The following CNTNAP4 variants were observed in gnomAD, a reference collection of about 807,000 sequenced individuals.
CNTNAP4 encodes the protein contactin associated protein family member 4.
In CNTNAP4, 98 loss-of-function variants were observed where a neutral mutation model predicts 148.4. The observed-to-expected ratio is 0.66, with a 90% CI of 0.56 to 0.78. CNTNAP4 has a LOEUF of 0.78. Among genes scored for constraint, CNTNAP4 ranks in the 30% least tolerant of loss-of-function variants. The pLI is 0.00. For synonymous variants in CNTNAP4, 730 were observed against 565.1 expected (o/e 1.29, Z -4.14); for missense variants, 1,935 against 1,565.6 (o/e 1.24, Z -3.98).
At chr16:76,501,381 A>G (rs147508509) in intron 15 of CNTNAP4, among the ~76,000 whole-genome samples, 2 of 152,160 alleles carry the variant, frequency 1.3e-5, no homozygotes, top group East Asian at 1.9e-4. Flanking sequence ...TCCTTATTTC[A>G]TTAGCCAAAA....
At chr16:76,522,656 TTC>T (rs1430774329) in intron 17 of CNTNAP4, among the ~76,000 whole-genome samples, 1 of 129,532 alleles carries the variant, frequency 7.7e-6, no homozygotes, top group Admixed American at 7.9e-5. Context: ...TTTTCTCTCT[TTC>T]TCTCTTTCCT....
At chr16:76,374,369 G>GT (rs1239752520) in intron 3 of CNTNAP4, among the ~76,000 whole-genome samples, 2 of 152,154 alleles carry the variant, frequency 1.3e-5, no homozygotes, top group African/African-American at 4.8e-5. Context: ...AAGCGATTAT[G>GT]TTACTAATTC....
At chr16:76,473,858 T>TG (rs1250885254) in intron 10 of CNTNAP4, among the ~76,000 whole-genome samples, 473 of 3,710 alleles carry the variant, frequency 0.13, 5 homozygotes, top group Admixed American at 0.19. Flanking sequence ...TTTGTTTTGT[T>TG]TTGTTTTGTT....
At chr16:76,521,457 C>T (rs1314952904) in intron 16 of CNTNAP4, 147 bp downstream of exon 16, 1 of 578,588 alleles carries the variant, frequency 1.7e-6, no homozygotes, top group African/African-American at 1.9e-5. Flanking sequence ...ATTAACTTAT[C>T]CTGTTTGTAA....
intron 10 of CNTNAP4, among the ~76,000 whole-genome samples, chr16:76,471,536 C>G (rs929958114): frequency 3.3e-5 from 5 of 152,040 alleles, no homozygotes; most frequent in African/African-American, 1.2e-4. Context: ...CCAATCCACC[C>G]CTACTATCCA....
At chr16:76,354,674 C>G (rs1297680627) in intron 2 of CNTNAP4, among the ~76,000 whole-genome samples, 1 of 152,162 alleles carries the variant, frequency 6.6e-6, no homozygotes, top group Admixed American at 6.5e-5. Flanking sequence ...TTGTCTCTCA[C>G]AAACTGTTGG....
intron 3 of CNTNAP4, among the ~76,000 whole-genome samples, chr16:76,376,195 AAAAT>A (rs2015396365): frequency 3.9e-5 from 6 of 152,218 alleles, no homozygotes; most frequent in Admixed American, 3.3e-4. Context: ...AAATGCAAAA[AAAAT>A]ACAACTCATG....
intron 15 of CNTNAP4, among the ~76,000 whole-genome samples, chr16:76,514,523 T>C (rs1276004295): frequency 6.6e-6 from 1 of 152,228 alleles, no homozygotes; most frequent in Non-Finnish European, 1.5e-5. Context: ...TCTGCCTTCA[T>C]AAAAGGAATT....
intron 10 of CNTNAP4, among the ~76,000 whole-genome samples, chr16:76,474,323 C>G (rs900595204): frequency 2.0e-5 from 3 of 152,076 alleles, no homozygotes; most frequent in East Asian, 3.9e-4. Context: ...CTGAAGGGGA[C>G]AAAGAAAGAA....
chr16:76,534,253 A>C lies in CNTNAP4; in HGVS notation c.2756-1292A>C, dbSNP rs535366770. On this transcript the variant is annotated intron_variant, in intron 17 of 23. Coordinates refer to ENST00000611870, the MANE Select transcript of CNTNAP4 (RefSeq NM_033401.5). ...ATAACACAGAAATTATTTGTCTACC[A>C]CTGTTCTTTGTGCTGGATATACAGT... is the stretch of plus-strand genomic sequence containing the variant. 7.2e-5 allele frequency among the ~76,000 whole-genome samples: 11 copies of C among 152,300 alleles called. No individual in the cohort carries two copies. In the South Asian group the frequency reaches 2.3e-3, roughly 32 times the overall value.
chr16:76,527,510 G>A lies in CNTNAP4; in HGVS notation c.2755+5253G>A, dbSNP rs182679343. ...AATCAGCATTTTCGGTGTGCATATC[G>A]ACTATCCTTTGTATCTGGATATGGG... On this transcript the variant is annotated intron_variant, in intron 17 of 23. Coordinates refer to ENST00000611870, the MANE Select transcript of CNTNAP4 (RefSeq NM_033401.5). 2.6e-5 allele frequency among the ~76,000 whole-genome samples: 4 copies of A among 152,140 alleles called. No individual in the cohort carries two copies. In the East Asian group the frequency reaches 5.8e-4, roughly 22 times the overall value.
chr16:76,535,862 G>A, intron 18 of CNTNAP4, 78 bp downstream of exon 18: 2 of 1,463,034 alleles, frequency 1.4e-6, no homozygotes, highest in South Asian at 2.6e-5. Flanking sequence ...TTTCTATGCA[G>A]CTATTTGAAA....
chr16:76,478,660 G>T (rs747478349), intron 11 of CNTNAP4, among the ~76,000 whole-genome samples: 1 of 152,142 alleles, frequency 6.6e-6, no homozygotes, highest in African/African-American at 2.4e-5. Flanking sequence ...ATACACAAGT[G>T]TATTAATATG....
chr16:76,359,768 C>G (rs1373991116), intron 3 of CNTNAP4, among the ~76,000 whole-genome samples: 1 of 152,138 alleles, frequency 6.6e-6, no homozygotes, highest in Non-Finnish European at 1.5e-5. Flanking sequence ...AGATTGAACA[C>G]AAAATTCCTC....
chr16:76,333,638 A>G (rs1963740130), intron 2 of CNTNAP4, among the ~76,000 whole-genome samples: 1 of 152,034 alleles, frequency 6.6e-6, no homozygotes, highest in African/African-American at 2.4e-5. Context: ...AATGGACTCT[A>G]CATTCCTTTT....
chr16:76,351,876 T>G (rs1260915231), intron 2 of CNTNAP4, among the ~76,000 whole-genome samples: 1 of 152,210 alleles, frequency 6.6e-6, no homozygotes, highest in Non-Finnish European at 1.5e-5. Context: ...GCTGCATTGC[T>G]GTCATGTGTT....
At chr16:76,330,770 G>T (rs1289348368) in intron 2 of CNTNAP4, among the ~76,000 whole-genome samples, 1 of 152,190 alleles carries the variant, frequency 6.6e-6, no homozygotes, top group Non-Finnish European at 1.5e-5. Context: ...AATACAGAAA[G>T]AGCTTACTGA....
chr16:76,434,392 G>A (rs943046371), intron 4 of CNTNAP4, among the ~76,000 whole-genome samples: 8 of 152,146 alleles, frequency 5.3e-5, no homozygotes, highest in Non-Finnish European at 7.4e-5. Context: ...GGAGAAAAAG[G>A]CATTTGCCAA....
chr16:76,485,878 C>T (rs535954741), intron 12 of CNTNAP4, among the ~76,000 whole-genome samples: 28 of 152,308 alleles, frequency 1.8e-4, no homozygotes, highest in African/African-American at 6.5e-4. Flanking sequence ...AGAAGGCTGG[C>T]TCTCTCCCCT....
Sources: allele counts gnomAD v4.1 joint callset (sites outside exome capture counted in the v4.1 genomes callset), GRCh38; gene constraint gnomAD v4.1.1; transcripts MANE v1.5; gene names NCBI Gene and HGNC (gene_info 2026-07-23, HGNC 2026-07-21).